The following WDR35 variants were observed in gnomAD, a reference collection of about 807,000 sequenced individuals.
The protein encoded by WDR35 is WD repeat domain 35, also known as WD repeat-containing protein 35.
In WDR35, 118 loss-of-function variants were observed where a neutral mutation model predicts 158.3. That is an observed-to-expected ratio of 0.75 (90% CI 0.64 to 0.87). The LOEUF (loss-of-function observed/expected upper bound fraction) is 0.87. Among genes scored for constraint, WDR35 ranks in the 40% least tolerant of loss-of-function variants. WDR35 has a pLI of 0.00. For synonymous variants in WDR35, 448 were observed against 476.1 expected (o/e 0.94, Z 0.77); for missense variants, 1,263 against 1,405.8 (o/e 0.90, Z 1.62).
intron 16 of WDR35, among the ~76,000 whole-genome samples, chr2:19,943,092 C>T (rs1480821789): frequency 1.3e-5 from 2 of 152,120 alleles, no homozygotes; most frequent in African/African-American, 2.4e-5. Flanking sequence ...GATTGTATTA[C>T]CTAATTTTAG....
At chr2:19,924,334 G>T (rs1008616219) in intron 25 of WDR35, among the ~76,000 whole-genome samples, 1 of 152,106 alleles carries the variant, frequency 6.6e-6, no homozygotes, top group Admixed American at 6.6e-5. Flanking sequence ...GGAGGCTGAG[G>T]GGGGTGGATC....
chr2:19,971,068 T>G (rs1558353895), intron 8 of WDR35, among the ~76,000 whole-genome samples: 1 of 152,216 alleles, frequency 6.6e-6, no homozygotes, highest in Non-Finnish European at 1.5e-5. Context: ...ACAGTACTTT[T>G]TATGACCAAA....
At chr2:19,933,180 T>C (rs1452068747) in intron 22 of WDR35, among the ~76,000 whole-genome samples, 2 of 152,222 alleles carry the variant, frequency 1.3e-5, no homozygotes, top group African/African-American at 4.8e-5. Flanking sequence ...TGGTTATAAG[T>C]GGGTCACCCC....
chr2:19,948,182 T>C lies in WDR35; in HGVS notation c.1506A>G (p.Ser502=), dbSNP rs1292376455. 1 of 1,609,606 alleles carries C rather than the reference T, an allele frequency of 6.2e-7. No homozygotes were observed. The highest frequency in any genetic ancestry group is 8.5e-7 in the Non-Finnish European group (1 of 1,178,642). The change falls in exon 14 of 27, where the codon TCA becomes TCG. Residue 502 remains serine, a synonymous_variant. Coordinates refer to ENST00000281405, the MANE Select transcript of WDR35 (RefSeq NM_020779.4). ...TRDPICAITA[S]DKILIVGRES... Reference sequence around the variant, plus strand: ...AACTTACCACAATCAATATCTTATCTGATGCAGTTATGGCACAAATTGGAT... The same window carrying C: ...AACTTACCACAATCAATATCTTATCCGATGCAGTTATGGCACAAATTGGAT...
chr2:19,976,385 A>G (rs773843907), intron 5 of WDR35, among the ~76,000 whole-genome samples: 1 of 152,058 alleles, frequency 6.6e-6, no homozygotes, highest in South Asian at 2.1e-4. Context: ...ACCCCTCCCA[A>G]TCTGGCTTCT....
At chr2:19,952,767 G>A (rs139097252) in intron 12 of WDR35, among the ~76,000 whole-genome samples, 75 of 143,500 alleles carry the variant, frequency 5.2e-4, no homozygotes, top group African/African-American at 1.6e-3. Flanking sequence ...ACATGAATTC[G>A]CATACTCAAC....
At chr2:19,916,834 C>T (rs1572305128) in intron 25 of WDR35, among the ~76,000 whole-genome samples, 1 of 152,344 alleles carries the variant, frequency 6.6e-6, no homozygotes, top group East Asian at 1.9e-4. Flanking sequence ...CCTGGCAGCT[C>T]TGAAGACAGC....
intron 11 of WDR35, among the ~76,000 whole-genome samples, chr2:19,954,665 C>T (rs972751618): frequency 6.6e-6 from 1 of 152,104 alleles, no homozygotes; most frequent in Admixed American, 6.5e-5. Flanking sequence ...AACAGTCAGA[C>T]AATAACAAGT....
intron 8 of WDR35, 149 bp downstream of exon 8, chr2:19,973,413 TA>T: frequency 1.3e-6 from 1 of 765,218 alleles, no homozygotes; most frequent in Non-Finnish European, 1.9e-6. Context: ...AATTCCATGA[TA>T]AAATACAACA....
chr2:19,948,123 A>G (rs1671113996), intron 14 of WDR35, 41 bp downstream of exon 14: 1 of 1,484,290 alleles, frequency 6.7e-7, no homozygotes, highest in Non-Finnish European at 9.2e-7. Flanking sequence ...TTTATAATTT[A>G]AAGAATTATT....
chr2:19,978,925 T>C (rs1365133854), intron 4 of WDR35, 46 bp from the exon 5 acceptor site: 22 of 1,608,930 alleles, frequency 1.4e-5, no homozygotes, highest in East Asian at 2.2e-5. Flanking sequence ...CTTTCACATC[T>C]ATTAAATAGT....
In WDR35 at chr2:19,948,216, C is replaced by T; in HGVS notation, c.1472G>A (p.Gly491Asp). 5 of 1,609,672 alleles carry T rather than the reference C, an allele frequency of 3.1e-6. No homozygotes were observed. Among genetic ancestry groups the T allele is most frequent in the Non-Finnish European group, 4.2e-6 (5 of 1,178,444 alleles). Residue 491 changes from glycine (G) to aspartate (D), a missense_variant and splice_region_variant, in exon 14 of 27, where the codon GGC (glycine) becomes GAC (aspartate). Coordinates refer to ENST00000281405, the MANE Select transcript of WDR35 (RefSeq NM_020779.4). ...TATGGCACAAATTGGATCCCTTGTG[C>T]CCTAAAATAAATTAATCAATCATTA... is the stretch of plus-strand genomic sequence containing the variant. ...GVLDYSKTIQ[G>D]TRDPICAITA...
In WDR35 at chr2:19,932,400, A is replaced by G; in HGVS notation, c.2706T>C (p.Ile902=). 6.2e-7 allele frequency: 1 copy of G among 1,613,318 alleles called. No homozygotes were observed. The highest frequency in any genetic ancestry group is 8.5e-7 in the Non-Finnish European group (1 of 1,179,546). ...ATGCATACCTAGCTAACAGAGATCCAATTTCTTTCATACTATGATTTTTAG... is the reference window on the plus strand; with the variant it reads ...ATGCATACCTAGCTAACAGAGATCCGATTTCTTTCATACTATGATTTTTAG... ...ELAKNHSMKE[I]GSLLARYASH... The change falls in exon 23 of 27, where the codon ATT becomes ATC. Residue 902 remains isoleucine, a synonymous_variant. Transcript: ENST00000281405.
chr2:19,956,075 G>T (rs1012006508), intron 11 of WDR35, among the ~76,000 whole-genome samples: 1 of 152,144 alleles, frequency 6.6e-6, no homozygotes, highest in Non-Finnish European at 1.5e-5. Context: ...CTCCTGCCAG[G>T]TCAGGCTGCG....
At chr2:19,964,239 T>C (rs757225363) in intron 10 of WDR35, among the ~76,000 whole-genome samples, 1 of 152,188 alleles carries the variant, frequency 6.6e-6, no homozygotes, top group Non-Finnish European at 1.5e-5. Flanking sequence ...AATGTGGAAA[T>C]GTTTTTATTC....
chr2:19,921,545 ATCCCT>A lies in WDR35; in HGVS notation c.3122-7273_3122-7269del, dbSNP rs559961360. The stretch of plus-strand genomic sequence containing the variant: ...GCCATATGCAGAAAGCTGAAACTGA[ATCCCT>A]TCCTTACACCTTATACAAAAATTAA... On this transcript the variant is annotated intron_variant, in intron 25 of 26. Transcript: ENST00000281405. Among the ~76,000 whole-genome samples the A allele has an allele frequency of 3.9e-4, 60 of 152,340 alleles. 1 individual carries two copies. The South Asian group carries it at 7.4e-3, about 19-fold the overall frequency.
At chr2:19,982,993 AC>A (rs1472020526) in intron 2 of WDR35, among the ~76,000 whole-genome samples, 2 of 152,232 alleles carry the variant, frequency 1.3e-5, no homozygotes, top group African/African-American at 4.8e-5. Context: ...AAAAGGTTCT[AC>A]ATATAAAATG....
intron 5 of WDR35, among the ~76,000 whole-genome samples, chr2:19,976,827 T>C (rs1051272955): frequency 1.4e-3 from 212 of 152,084 alleles, no homozygotes; most frequent in African/African-American, 4.9e-3. Context: ...GCTGATTTTT[T>C]TTTTTTTCCT....
chr2:19,924,100 G>A (rs1333567643), intron 25 of WDR35, among the ~76,000 whole-genome samples: 2 of 152,174 alleles, frequency 1.3e-5, no homozygotes, highest in Non-Finnish European at 2.9e-5. Context: ...TGGTTTAGAT[G>A]CACAAGTGGT....
Sources: gnomAD v4.1 joint callset for allele counts (sites outside exome capture counted in the v4.1 genomes callset) on GRCh38, gnomAD v4.1.1 for gene constraint, MANE v1.5 for transcripts, NCBI Gene and HGNC (gene_info 2026-07-23, HGNC 2026-07-21) for gene names.